PIK3C2G: variants seen among roughly 807,000 people sequenced by gnomAD.
PIK3C2G encodes the protein phosphatidylinositol 3-kinase C2 domain-containing subunit gamma.
A neutral mutation model predicts 181.1 loss-of-function variants in PIK3C2G; 168 were observed. That is an observed-to-expected ratio of 0.93 (90% CI 0.82 to 1.05). PIK3C2G has a LOEUF of 1.05. PIK3C2G is among the 50% of genes least tolerant of loss of function. The probability of loss-of-function intolerance (pLI) is 0.00; values close to 1 mark genes in which losing one functional copy is unlikely to be tolerated. For synonymous variants in PIK3C2G, 573 were observed against 592.2 expected (o/e 0.97, Z 0.47); for missense variants, 1,869 against 1,732.8 (o/e 1.08, Z -1.40).
the PIK3C2G span, among the ~76,000 whole-genome samples, chr12:18,721,142 C>T: frequency 6.6e-6 from 1 of 151,974 alleles, no homozygotes; most frequent in African/African-American, 2.4e-5. Flanking sequence ...ATTGGCTTAG[C>T]CCTTTTGAAC....
chr12:18,616,034 C>T (rs922099538), intron 31 of PIK3C2G, among the ~76,000 whole-genome samples: 2 of 151,998 alleles, frequency 1.3e-5, no homozygotes, highest in Non-Finnish European at 2.9e-5. Flanking sequence ...CTAGGTCATA[C>T]ATCTATTTAC....
chr12:18,649,505 T>G (rs770747425), downstream of PIK3C2G, among the ~76,000 whole-genome samples: 1 of 152,104 alleles, frequency 6.6e-6, no homozygotes, highest in Non-Finnish European at 1.5e-5. Flanking sequence ...CATCAAAAAA[T>G]TAAAACTTTC....
the PIK3C2G span, chr12:18,723,591 A>G: frequency 2.0e-4 from 262 of 1,326,060 alleles, no homozygotes; most frequent in Non-Finnish European, 2.6e-4. Context: ...TAAAAAATAC[A>G]TAAAATGAAT....
chr12:18,292,328 A>G (rs1041409976), intron 4 of PIK3C2G, among the ~76,000 whole-genome samples: 1 of 150,428 alleles, frequency 6.6e-6, no homozygotes, highest in Non-Finnish European at 1.5e-5. Context: ...CAAATAATCA[A>G]GCAGCCCAGA....
chr12:18,708,415 T>G, the PIK3C2G span, among the ~76,000 whole-genome samples: 3 of 152,362 alleles, frequency 2.0e-5, no homozygotes, highest in African/African-American at 7.2e-5. Flanking sequence ...TGTCTGTCAA[T>G]GAACACTAGG....
At chr12:18,555,165 A>G (rs575968424) in intron 26 of PIK3C2G, among the ~76,000 whole-genome samples, 6 of 152,276 alleles carry the variant, frequency 3.9e-5, no homozygotes, top group African/African-American at 1.4e-4. Flanking sequence ...CAACTGCCAA[A>G]TATATGAACA....
chr12:18,718,771 A>G, the PIK3C2G span, among the ~76,000 whole-genome samples: 1 of 152,084 alleles, frequency 6.6e-6, no homozygotes, highest in East Asian at 1.9e-4. Flanking sequence ...AACATTTTTT[A>G]CCTGGTTATT....
intron 13 of PIK3C2G, among the ~76,000 whole-genome samples, chr12:18,376,856 G>C (rs1942478967): frequency 6.6e-6 from 1 of 152,124 alleles, no homozygotes. Context: ...CTCACCCTTT[G>C]CCTTCCACCA....
chr12:18,536,110 TA>T (rs556720946), intron 24 of PIK3C2G, among the ~76,000 whole-genome samples: 81 of 152,086 alleles, frequency 5.3e-4, no homozygotes, highest in African/African-American at 1.9e-3. Context: ...AAAGTATAAT[TA>T]AAAAAATGCT....
chr12:18,439,415 T>G (rs958102635), intron 18 of PIK3C2G, among the ~76,000 whole-genome samples: 2 of 152,048 alleles, frequency 1.3e-5, no homozygotes, highest in Non-Finnish European at 2.9e-5. Flanking sequence ...CTTCATCAAT[T>G]TCTTAGTTCT....
Position 18,343,677 on chromosome 12 carries a change from T to C in PIK3C2G, c.1429+317T>C, listed in dbSNP as rs1439011288. Among the ~76,000 whole-genome samples the C allele has an allele frequency of 2.0e-5, 3 of 152,062 alleles. No homozygotes were observed. In the East Asian group the frequency reaches 5.8e-4, roughly 29 times the overall value. ...ATATCTTATAACCATTCCAAGACAT[T>C]GAAAATTTTACCATTTACTTAATTA... is the stretch of plus-strand genomic sequence containing the variant. On this transcript the variant is annotated intron_variant, in intron 10 of 32. Coordinates refer to ENST00000538779, the MANE Select transcript of PIK3C2G (RefSeq NM_001288772.2).
At chr12:18,658,363 A>G in the PIK3C2G span, among the ~76,000 whole-genome samples, 9 of 152,172 alleles carry the variant, frequency 5.9e-5, no homozygotes, top group Non-Finnish European at 8.8e-5. Flanking sequence ...TAGGATAAAC[A>G]TAACAAGATT....
chr12:18,527,258 T>C (rs893722951), intron 24 of PIK3C2G, among the ~76,000 whole-genome samples: 1 of 152,206 alleles, frequency 6.6e-6, no homozygotes, highest in African/African-American at 2.4e-5. Context: ...ACTAAATTTG[T>C]AGAATAATAC....
In PIK3C2G at chr12:18,266,034, A is replaced by AAAC. The variant is rs1948480624; in HGVS notation, c.-79+4459_-79+4460insCAA. On this transcript the variant is annotated intron_variant, in intron 1 of 32. Coordinates refer to ENST00000538779, the MANE Select transcript of PIK3C2G (RefSeq NM_001288772.2). ...CATCTAAAAAAAAAAAAAAAAAAAA[A>AAAC]AAAAAAACACTACGCAATAGAAAAT... Among the ~76,000 whole-genome samples the AAAC allele has an allele frequency of 2.0e-5, 3 of 151,168 alleles. No individual in the cohort carries two copies. The South Asian group carries it at 6.2e-4, about 31-fold the overall frequency.
chr12:18,243,194 C>CTGTGTGTGTGTGTGTG (rs71440357), upstream of PIK3C2G, among the ~76,000 whole-genome samples: 1 of 148,224 alleles, frequency 6.7e-6, no homozygotes, highest in African/African-American at 2.5e-5. Context: ...TAAAGTCTTT[C>CTGTGTGTGTGTGTGTG]TGTGTGTGTG....
At chr12:18,507,153 C>T (rs906368682) in intron 24 of PIK3C2G, among the ~76,000 whole-genome samples, 9 of 152,006 alleles carry the variant, frequency 5.9e-5, no homozygotes, top group Non-Finnish European at 1.2e-4. Context: ...CCTCAGCCTC[C>T]GGAGTAGCTG....
At chr12:18,661,937 TA>T in the PIK3C2G span, among the ~76,000 whole-genome samples, 7 of 151,996 alleles carry the variant, frequency 4.6e-5, no homozygotes, top group East Asian at 1.4e-3. Flanking sequence ...TACACATCCA[TA>T]AAAAAAGAAC....
intron 18 of PIK3C2G, among the ~76,000 whole-genome samples, chr12:18,468,049 T>A (rs1938086860): frequency 6.6e-6 from 1 of 152,086 alleles, no homozygotes; most frequent in East Asian, 1.9e-4. Context: ...ATCCTGTCAC[T>A]CAAACACAGC....
intron 4 of PIK3C2G, among the ~76,000 whole-genome samples, chr12:18,291,972 G>C (rs573166708): frequency 6.6e-6 from 1 of 151,174 alleles, no homozygotes; most frequent in Non-Finnish European, 1.5e-5. Context: ...ACTTTGGAAG[G>C]GCGAGGCAGG....
Sources: gnomAD v4.1 joint callset for allele counts (sites outside exome capture counted in the v4.1 genomes callset) on GRCh38, gnomAD v4.1.1 for gene constraint, MANE v1.5 for transcripts, NCBI Gene and HGNC (gene_info 2026-07-23, HGNC 2026-07-21) for gene names.